EFNA5: variants seen among roughly 807,000 people sequenced by gnomAD.
EFNA5 encodes the protein ephrin-A5.
EFNA5 carries 5 observed loss-of-function variants against 22.9 expected under a neutral mutation model. That is an observed-to-expected ratio of 0.22 (90% CI 0.11 to 0.46). The LOEUF (loss-of-function observed/expected upper bound fraction) is 0.46, where lower values mean the gene tolerates loss of function less well. Ranked by LOEUF, EFNA5 falls within the 20% of genes least tolerant of loss-of-function variation. EFNA5 has a pLI of 0.99. For synonymous variants in EFNA5, 113 were observed against 112.2 expected, an observed-to-expected ratio of 1.01 and a Z score of -0.04; for missense variants, 237 against 293.3, an observed-to-expected ratio of 0.81 and a Z score of 1.40.
At chr5:107,451,989 G>C (rs1749570894) in intron 1 of EFNA5, among the ~76,000 whole-genome samples, 1 of 152,142 alleles carries the variant, frequency 6.6e-6, no homozygotes, top group Non-Finnish European at 1.5e-5. Flanking sequence ...GTCCATCAAT[G>C]ATAGACAGGA....
At chr5:107,475,099 C>A (rs1422381164) in intron 1 of EFNA5, among the ~76,000 whole-genome samples, 1 of 152,148 alleles carries the variant, frequency 6.6e-6, no homozygotes, top group Non-Finnish European at 1.5e-5. Flanking sequence ...AGGATGTATC[C>A]TCAAGTTACT....
At chr5:107,508,577 A>C (rs1200146272) in intron 1 of EFNA5, among the ~76,000 whole-genome samples, 2 of 152,206 alleles carry the variant, frequency 1.3e-5, no homozygotes, top group Non-Finnish European at 2.9e-5. Context: ...GGGCTATCAA[A>C]CTGGCTAGAA....
At chr5:107,514,314 G>A (rs968930249) in intron 1 of EFNA5, among the ~76,000 whole-genome samples, 4 of 152,178 alleles carry the variant, frequency 2.6e-5, no homozygotes, top group African/African-American at 7.2e-5. Flanking sequence ...GAATTCAACA[G>A]AGATCCATCT....
In EFNA5 at chr5:107,482,735, T is replaced by C. The variant is rs990485605; in HGVS notation, c.126-55226A>G. On this transcript the variant is annotated intron_variant, in intron 1 of 4. Transcript: ENST00000333274. ...CTGCACCAGGCTTAAAGTGACAAAA[T>C]GTCAGCCTCAATCATCCCACAGGCT... is the stretch of plus-strand genomic sequence containing the variant. 1.3e-5 allele frequency among the ~76,000 whole-genome samples: 2 copies of C among 152,072 alleles called. 1 individual carries two copies. Among genetic ancestry groups the C allele is most frequent in the East Asian group, 3.9e-4 (2 of 5,166 alleles).
intron 1 of EFNA5, among the ~76,000 whole-genome samples, chr5:107,464,453 T>C (rs184969732): frequency 6.6e-6 from 1 of 152,150 alleles, no homozygotes; most frequent in Non-Finnish European, 1.5e-5. Flanking sequence ...AATCGATTGT[T>C]GTGTACATCC....
At chr5:107,398,685 T>TA (rs892659748) in intron 2 of EFNA5, among the ~76,000 whole-genome samples, 5 of 150,668 alleles carry the variant, frequency 3.3e-5, no homozygotes, top group African/African-American at 9.8e-5. Context: ...TGTCTCTATA[T>TA]AAAAAAAAAT....
chr5:107,561,941 A>T (rs1330684767), intron 1 of EFNA5, among the ~76,000 whole-genome samples: 2 of 152,194 alleles, frequency 1.3e-5, no homozygotes, highest in Non-Finnish European at 2.9e-5. Context: ...TGTCACAGGG[A>T]AACGTAAGGA....
intron 1 of EFNA5, among the ~76,000 whole-genome samples, chr5:107,601,434 GAAGT>G (rs1378517170): frequency 1.3e-5 from 2 of 152,100 alleles, no homozygotes; most frequent in Non-Finnish European, 2.9e-5. Flanking sequence ...CAGGACTGTA[GAAGT>G]AAGTGTAACT....
Position 107,381,393 on chromosome 5 carries a change from C to T in EFNA5, c.566-17G>A. On this transcript the variant is annotated splice_polypyrimidine_tract_variant and intron_variant, in intron 4 of 4. Transcript: ENST00000333274. ...CGGTGTCATCTGTTCAAATAGAAAG[C>T]ACACATTCCAATGAGATTTCACATC... is the stretch of plus-strand genomic sequence containing the variant. 6.3e-7 allele frequency: 1 copy of T among 1,595,402 alleles called. No homozygotes were observed. The highest frequency in any genetic ancestry group is 8.6e-7 in the Non-Finnish European group (1 of 1,165,452).
chr5:107,521,475 TA>T (rs796897472), intron 1 of EFNA5, among the ~76,000 whole-genome samples: 5,814 of 114,352 alleles, frequency 0.051, 167 homozygotes, highest in African/African-American at 0.16. Flanking sequence ...TATATATATA[TA>T]TTTTTTTTTT....
chr5:107,627,474 A>G (rs1288759642), intron 1 of EFNA5, among the ~76,000 whole-genome samples: 1 of 152,146 alleles, frequency 6.6e-6, no homozygotes, highest in Non-Finnish European at 1.5e-5. Context: ...ATAATGTTTA[A>G]AGAGTATTAA....
intron 1 of EFNA5, among the ~76,000 whole-genome samples, chr5:107,628,302 A>C (rs1457449107): frequency 6.6e-6 from 1 of 152,210 alleles, no homozygotes; most frequent in African/African-American, 2.4e-5. Context: ...CTATATTACC[A>C]GCACCTGGAG....
chr5:107,408,024 T>C (rs1324035031), intron 2 of EFNA5, among the ~76,000 whole-genome samples: 1 of 152,216 alleles, frequency 6.6e-6, no homozygotes, highest in African/African-American at 2.4e-5. Context: ...TCTGTGATAC[T>C]AATTTGAAAA....
At chr5:107,541,437 CTAGCAA>C (rs1159139759) in intron 1 of EFNA5, among the ~76,000 whole-genome samples, 9 of 152,162 alleles carry the variant, frequency 5.9e-5, no homozygotes, top group African/African-American at 2.2e-4. Context: ...AAGCCTAACT[CTAGCAA>C]TAGCAATAAA....
intron 1 of EFNA5, among the ~76,000 whole-genome samples, chr5:107,453,560 C>G (rs1749615470): frequency 1.3e-5 from 2 of 151,990 alleles, no homozygotes. Flanking sequence ...AAATAGAAAC[C>G]TATTTATAGG....
At chr5:107,449,914 T>C (rs150123334) in intron 1 of EFNA5, among the ~76,000 whole-genome samples, 2 of 152,208 alleles carry the variant, frequency 1.3e-5, no homozygotes, top group Admixed American at 6.5e-5. Flanking sequence ...GTTGACAATA[T>C]GTTAAGCAGA....
chr5:107,398,829 T>C (rs542874258), intron 2 of EFNA5, among the ~76,000 whole-genome samples: 12 of 130,182 alleles, frequency 9.2e-5, no homozygotes, highest in African/African-American at 3.0e-4. Context: ...CACTCCAGCC[T>C]GGGTGACAGA....
chr5:107,566,567 A>C (rs1052335238), intron 1 of EFNA5, among the ~76,000 whole-genome samples: 6 of 152,206 alleles, frequency 3.9e-5, no homozygotes, highest in Non-Finnish European at 8.8e-5. Context: ...CACGTAAGCA[A>C]ATACCTAAAT....
chr5:107,644,389 C>G (rs1349994701), intron 1 of EFNA5, among the ~76,000 whole-genome samples: 1 of 152,068 alleles, frequency 6.6e-6, no homozygotes, highest in Non-Finnish European at 1.5e-5. Context: ...AAAATGAGAA[C>G]ATTTTGCTTC....
Sources: gnomAD v4.1 joint callset for allele counts (sites outside exome capture counted in the v4.1 genomes callset) on GRCh38, gnomAD v4.1.1 for gene constraint, MANE v1.5 for transcripts, NCBI Gene and HGNC (gene_info 2026-07-23, HGNC 2026-07-21) for gene names.